The following PDE4D variants were observed in gnomAD, a reference collection of about 807,000 sequenced individuals.
PDE4D encodes the protein phosphodiesterase 4D, also known as 3',5'-cyclic-AMP phosphodiesterase 4D.
Under a neutral mutation model 87.4 loss-of-function variants are expected in PDE4D, and 24 were observed. The ratio of observed to expected loss-of-function variants is 0.27; its 90% CI spans 0.20 to 0.39. The LOEUF (loss-of-function observed/expected upper bound fraction) is 0.39. Among genes scored for constraint, PDE4D ranks in the 10% least tolerant of loss-of-function variants. The probability of loss-of-function intolerance (pLI) is 1.00; values close to 1 mark genes in which losing one functional copy is unlikely to be tolerated. For missense variants in PDE4D, 714 were observed against 1,041.0 expected (o/e 0.69, Z 4.32); for synonymous variants, 384 against 383.2 (o/e 1.00, Z -0.02).
chr5:59,924,777 A>T (rs1755055268), intron 3 of PDE4D, among the ~76,000 whole-genome samples: 1 of 152,206 alleles, frequency 6.6e-6, no homozygotes, highest in Non-Finnish European at 1.5e-5. Flanking sequence ...AAACTCACTG[A>T]TGATAGTAAA....
At chr5:60,460,147 G>T (rs367868132) in intron 1 of PDE4D, 5 of 1,597,792 alleles carry the variant, frequency 3.1e-6, no homozygotes, top group African/African-American at 1.3e-5. Context: ...CTTCCTGCTG[G>T]CTTTATTCTG....
At chr5:59,352,204 A>G (rs759388772) in intron 1 of PDE4D, among the ~76,000 whole-genome samples, 1 of 152,028 alleles carries the variant, frequency 6.6e-6, no homozygotes, top group Non-Finnish European at 1.5e-5. Flanking sequence ...CTTACTTTGG[A>G]CTTTCTAACC....
intron 2 of PDE4D, among the ~76,000 whole-genome samples, chr5:59,205,529 T>TAGA (rs1399220846): frequency 6.6e-6 from 1 of 152,038 alleles, no homozygotes; most frequent in Non-Finnish European, 1.5e-5. Flanking sequence ...TGAAGGCACA[T>TAGA]AGAAGTAAAT....
At chr5:59,583,917 T>C (rs1485691686) in intron 1 of PDE4D, among the ~76,000 whole-genome samples, 2 of 152,220 alleles carry the variant, frequency 1.3e-5, no homozygotes, top group African/African-American at 4.8e-5. Context: ...AGAGCCTTTC[T>C]AGAGATGAGC....
intron 1 of PDE4D, among the ~76,000 whole-genome samples, chr5:60,247,689 C>G (rs1200484209): frequency 1.3e-5 from 2 of 151,978 alleles, no homozygotes; most frequent in Non-Finnish European, 2.9e-5. Context: ...TCACCTTTTT[C>G]TAGAGTCCTC....
chr5:60,492,504 G>T (rs980283767), upstream of PDE4D, among the ~76,000 whole-genome samples: 10 of 152,104 alleles, frequency 6.6e-5, no homozygotes, highest in African/African-American at 2.2e-4. Context: ...TAAGCTCACT[G>T]CAATAAATAT....
At chr5:59,978,583 G>A (rs187453109) in intron 3 of PDE4D, among the ~76,000 whole-genome samples, 13 of 152,288 alleles carry the variant, frequency 8.5e-5, no homozygotes, top group Admixed American at 4.6e-4. Flanking sequence ...TGTGAACATT[G>A]TTGAAATGGC....
intron 6 of PDE4D, among the ~76,000 whole-genome samples, chr5:59,032,128 T>C (rs10052704): frequency 0.1 from 15,892 of 152,186 alleles, 1,305 homozygotes; most frequent in East Asian, 0.47. Context: ...TGAGGTAATA[T>C]AGATATGTTA....
intron 1 of PDE4D, among the ~76,000 whole-genome samples, chr5:59,516,456 G>T (rs555089025): frequency 3.3e-5 from 5 of 152,260 alleles, no homozygotes; most frequent in South Asian, 4.2e-4. Flanking sequence ...CATATGTATG[G>T]ACGAAGATAA....
intron 1 of PDE4D, among the ~76,000 whole-genome samples, chr5:60,195,356 C>T (rs2149530588): frequency 6.6e-6 from 1 of 151,804 alleles, no homozygotes; most frequent in East Asian, 1.9e-4. Context: ...GGTTAGAAAA[C>T]ATTTCATGTT....
intron 1 of PDE4D, among the ~76,000 whole-genome samples, chr5:60,224,190 T>C (rs1283837347): frequency 6.6e-6 from 1 of 152,094 alleles, no homozygotes; most frequent in African/African-American, 2.4e-5. Context: ...CAAAATATAA[T>C]CTATAGCATT....
At chr5:59,027,499 G>T (rs1487299173) in intron 6 of PDE4D, among the ~76,000 whole-genome samples, 1 of 152,144 alleles carries the variant, frequency 6.6e-6, no homozygotes. Flanking sequence ...CACAGGAGGA[G>T]ATTTGTCTAT....
chr5:59,524,863 T>C (rs1812803194), intron 1 of PDE4D, among the ~76,000 whole-genome samples: 1 of 152,232 alleles, frequency 6.6e-6, no homozygotes, highest in Admixed American at 6.5e-5. Context: ...CTTAGCAGCT[T>C]ACACGTGGTG....
At chr5:59,665,007 T>A (rs1745835599) in intron 1 of PDE4D, among the ~76,000 whole-genome samples, 1 of 152,204 alleles carries the variant, frequency 6.6e-6, no homozygotes. Flanking sequence ...ACGTAATGAT[T>A]CTTTTCATTA....
intron 1 of PDE4D, among the ~76,000 whole-genome samples, chr5:59,873,097 A>G (rs889941071): frequency 2.0e-5 from 3 of 152,182 alleles, no homozygotes. Flanking sequence ...CTCCTCATGT[A>G]TACAAAACAG....
chr5:59,194,126 C>G (rs1744930672), intron 2 of PDE4D, among the ~76,000 whole-genome samples: 1 of 152,080 alleles, frequency 6.6e-6, no homozygotes. Flanking sequence ...CTGCAGCAAC[C>G]CCAGCTACAC....
chr5:59,996,935 C>CTTCT (rs1763574758), intron 2 of PDE4D, among the ~76,000 whole-genome samples: 2 of 152,084 alleles, frequency 1.3e-5, no homozygotes, highest in African/African-American at 2.4e-5. Context: ...TTAGAAGAGA[C>CTTCT]AGAAATCACT....
intron 3 of PDE4D, among the ~76,000 whole-genome samples, chr5:59,977,260 G>C (rs1402202850): frequency 6.6e-6 from 1 of 152,202 alleles, no homozygotes; most frequent in Non-Finnish European, 1.5e-5. Context: ...TACTACTCTG[G>C]TGAACACAGA....
intron 2 of PDE4D, among the ~76,000 whole-genome samples, chr5:60,069,478 G>A (rs760371098): frequency 2.4e-4 from 36 of 152,128 alleles, no homozygotes; most frequent in South Asian, 8.3e-4. Flanking sequence ...ATAGTAGCCC[G>A]AATAGAATAA....
Sources: allele counts gnomAD v4.1 joint callset (sites outside exome capture counted in the v4.1 genomes callset), GRCh38; gene constraint gnomAD v4.1.1; transcripts MANE v1.5; gene names NCBI Gene and HGNC (gene_info 2026-07-23, HGNC 2026-07-21).